The following CRAMP1 variants were observed in gnomAD, a reference collection of about 807,000 sequenced individuals.
The protein encoded by CRAMP1 is protein cramped-like.
In CRAMP1, 50 loss-of-function variants were observed where a neutral mutation model predicts 115.4. That is an observed-to-expected ratio of 0.43 (90% confidence interval 0.35 to 0.55). The LOEUF (loss-of-function observed/expected upper bound fraction) is 0.55. Ranked by LOEUF, CRAMP1 falls within the 20% of genes least tolerant of loss-of-function variation. CRAMP1 has a pLI of 0.01. For missense variants in CRAMP1, 1,679 were observed against 1,721.7 expected (o/e 0.98, Z 0.44); for synonymous variants, 866 against 745.4 (o/e 1.16, Z -2.64).
chr16:1,652,699 T>C (rs2036735122), intron 7 of CRAMP1, 118 bp downstream of exon 7: 1 of 901,324 alleles, frequency 1.1e-6, no homozygotes, highest in Admixed American at 2.2e-5. Flanking sequence ...CCCTGCTTAA[T>C]CCCAGGGCTG....
At chr16:1,661,692 T>C (rs936000757) in intron 11 of CRAMP1, among the ~76,000 whole-genome samples, 1 of 148,948 alleles carries the variant, frequency 6.7e-6, no homozygotes, top group African/African-American at 2.5e-5. Flanking sequence ...ACCTCCTGGG[T>C]TCAAGCGAGT....
rs761336830 is a variant in CRAMP1 at position 1,665,148 on chromosome 16, C to T, written c.2752+10C>T. 6.3e-7 allele frequency: 1 copy of T among 1,579,130 alleles called. No individual in the cohort carries two copies. Among genetic ancestry groups the T allele is most frequent in the East Asian group, 2.2e-5 (1 of 44,716 alleles). On this transcript the variant is annotated intron_variant, in intron 14 of 20. Coordinates refer to ENST00000397412, the MANE Select transcript of CRAMP1 (RefSeq NM_020825.4). The stretch of plus-strand genomic sequence containing the variant: ...AACTCTTCCGTAACTGGTAAGGACC[C>T]TGAGCTTTTCTGGGGTAGCTTGTCC...
intron 19 of CRAMP1, chr16:1,670,353 A>C: frequency 3.4e-6 from 1 of 295,004 alleles, no homozygotes; most frequent in Non-Finnish European, 6.0e-6. Flanking sequence ...TGAGGGTGGG[A>C]GAGCATGATG....
At position 1,670,716 on chromosome 16, in the gene CRAMP1, G is replaced by T. The variant is rs374097268; in HGVS notation, c.3552G>T (p.Gly1184=). The part of the protein sequence containing the change: ...KSRKMLPTPI[G]TNSGTSLLGP... ...GGAAGATGTTGCCGACTCCCATTGG[G>T]ACCAACAGTGGCACTTCCTTGCTTG... Residue 1184 remains glycine (G), a synonymous_variant, in exon 20 of 21, where the codon GGG becomes GGT. Coordinates refer to ENST00000397412, the MANE Select transcript of CRAMP1 (RefSeq NM_020825.4). The T allele has an allele frequency of 6.2e-7, 1 of 1,613,874 alleles. No homozygotes were observed. Among genetic ancestry groups the T allele is most frequent in the East Asian group, 2.2e-5 (1 of 44,894 alleles).
chr16:1,639,263 C>G (rs965180131), intron 5 of CRAMP1, among the ~76,000 whole-genome samples: 1 of 151,930 alleles, frequency 6.6e-6, no homozygotes, highest in Non-Finnish European at 1.5e-5. Context: ...GTACAAAATG[C>G]ACAAACAAAG....
chr16:1,664,346 G>A (rs1389410837), intron 13 of CRAMP1, among the ~76,000 whole-genome samples: 3 of 152,208 alleles, frequency 2.0e-5, no homozygotes, highest in African/African-American at 7.2e-5. Context: ...GTTACAAGCA[G>A]TGACTTTATT....
intron 3 of CRAMP1, among the ~76,000 whole-genome samples, chr16:1,627,098 C>T (rs953069908): frequency 1.3e-5 from 2 of 151,976 alleles, no homozygotes; most frequent in Non-Finnish European, 2.9e-5. Flanking sequence ...CTTTAGACTG[C>T]TTCTTTGGCA....
At chr16:1,628,262 G>T (rs1332843072) in intron 3 of CRAMP1, among the ~76,000 whole-genome samples, 9 of 152,164 alleles carry the variant, frequency 5.9e-5, no homozygotes, top group Non-Finnish European at 1.2e-4. Flanking sequence ...CTTTTTGTTT[G>T]TTTGTTTTGA....
chr16:1,662,703 G>A (rs14418), intron 12 of CRAMP1, 32 bp downstream of exon 12: 26 of 1,613,622 alleles, frequency 1.6e-5, no homozygotes, highest in South Asian at 2.2e-5. Flanking sequence ...GCCCGCGTGC[G>A]AGCGTCCCCG....
At chr16:1,647,879 T>G (rs1013714759) in intron 6 of CRAMP1, among the ~76,000 whole-genome samples, 1 of 152,104 alleles carries the variant, frequency 6.6e-6, no homozygotes, top group Non-Finnish European at 1.5e-5. Flanking sequence ...CTGGGAAGTC[T>G]TAGCCTGTCT....
At chr16:1,640,738 G>A (rs1164623474) in intron 5 of CRAMP1, among the ~76,000 whole-genome samples, 4 of 152,194 alleles carry the variant, frequency 2.6e-5, no homozygotes, top group South Asian at 4.1e-4. Flanking sequence ...CTGTCAGTAC[G>A]AGCCCAGCAG....
intron 2 of CRAMP1, among the ~76,000 whole-genome samples, chr16:1,620,480 C>G (rs1483221039): frequency 6.6e-6 from 1 of 152,146 alleles, no homozygotes; most frequent in Non-Finnish European, 1.5e-5. Context: ...GACGCTGACT[C>G]CCTCGCAGTT....
In CRAMP1 at chr16:1,656,719, A is replaced by G; in HGVS notation, c.1962A>G (p.Gly654=). The change falls in exon 10 of 21, where the codon GGA becomes GGG. Residue 654 remains glycine, a synonymous_variant. Coordinates refer to ENST00000397412, the MANE Select transcript of CRAMP1 (RefSeq NM_020825.4). The surrounding 1 kb of genome is among the most constrained non-coding windows in gnomAD (Gnocchi z 5.6). The stretch of plus-strand genomic sequence containing the variant: ...CCGCGGGGCCTCCGCCGTCTCAGGG[A>G]CAGCCTGCCGCCAGGCCCCCGAAGG... ...GSPAGPPPSQ[G]QPAARPPKEV... is the part of the protein sequence containing the mutation. 2 of 1,553,300 alleles carry G rather than the reference A, an allele frequency of 1.3e-6. No homozygotes were observed. The highest frequency in any genetic ancestry group is 1.7e-6 in the Non-Finnish European group (2 of 1,148,944).
chr16:1,648,617 A>G (rs1048172986), intron 6 of CRAMP1, among the ~76,000 whole-genome samples: 1 of 152,032 alleles, frequency 6.6e-6, no homozygotes, highest in African/African-American at 2.4e-5. Context: ...AAAAAAAAAA[A>G]AAGAATTGAC....
intron 2 of CRAMP1, 112 bp from the exon 3 acceptor site, chr16:1,625,861 G>A (rs1468356503): frequency 1.9e-5 from 20 of 1,061,088 alleles, no homozygotes; most frequent in Non-Finnish European, 2.4e-5. Flanking sequence ...CTCGGTTGAG[G>A]AGTGTGGAGT....
chr16:1,646,235 C>T (rs2036673414), intron 6 of CRAMP1, among the ~76,000 whole-genome samples: 1 of 152,156 alleles, frequency 6.6e-6, no homozygotes, highest in Non-Finnish European at 1.5e-5. Flanking sequence ...CAGGCTTTGC[C>T]TCCAGGTTTT....
intron 8 of CRAMP1, among the ~76,000 whole-genome samples, chr16:1,653,737 C>T (rs1270617286): frequency 2.0e-5 from 3 of 150,162 alleles, no homozygotes; most frequent in South Asian, 2.1e-4. Flanking sequence ...AGGAGAATGA[C>T]GTGAACCCGG....
In CRAMP1 at chr16:1,669,331, A is replaced by G. The variant is rs373994562; in HGVS notation, c.3499+166A>G. On this transcript the variant is annotated intron_variant, in intron 19 of 20. Coordinates refer to ENST00000397412, the MANE Select transcript of CRAMP1 (RefSeq NM_020825.4). The surrounding 1 kb of genome is among the most constrained non-coding windows in gnomAD (Gnocchi z 4.6). ...GTTAATATTTTTGGGTGTAATTTAC[A>G]TGTAGGAAAATGTACACATTTTTAG... Among the ~76,000 whole-genome samples the G allele has an allele frequency of 6.6e-6, 1 of 152,192 alleles. No individual in the cohort carries two copies. Among genetic ancestry groups the G allele is most frequent in the South Asian group, 2.1e-4 (1 of 4,832 alleles).
At position 1,652,576 on chromosome 16, in the gene CRAMP1, C is replaced by G; in HGVS notation, c.908C>G (p.Pro303Arg). 1 of 1,552,618 alleles carries G rather than the reference C, an allele frequency of 6.4e-7. No individual in the cohort carries two copies. The highest frequency in any genetic ancestry group is 1.2e-5 in the South Asian group (1 of 84,108). The change falls in exon 7 of 21, where the codon CCA (proline) becomes CGA (arginine). Residue 303 changes from proline (P) to arginine (R), a missense_variant. By Grantham distance (103) the Pro-to-Arg change is moderately radical. Transcript: ENST00000397412. ...MCRALKKLCD[P>R]DGLSDEEDQK... The stretch of plus-strand genomic sequence containing the variant: ...CGGGCCCTGAAGAAGCTGTGCGATC[C>G]AGATGGTAAGTGAATGGGGCGCTCC...
Sources: gnomAD v4.1 joint callset for allele counts (sites outside exome capture counted in the v4.1 genomes callset) on GRCh38, gnomAD v4.1.1 for gene constraint, Gnocchi (gnomAD v3.1) non-coding constraint, MANE v1.5 for transcripts, NCBI Gene and HGNC (gene_info 2026-07-23, HGNC 2026-07-21) for gene names.